Variants in RMND1 observed in about 807,000 individuals in gnomAD.
The protein encoded by RMND1 is required for meiotic nuclear division 1 homolog.
In RMND1, 41 loss-of-function variants were observed where a neutral mutation model predicts 54.0. The ratio of observed to expected loss-of-function variants is 0.76; its 90% CI spans 0.59 to 0.98. The LOEUF is 0.98. RMND1 is among the 50% of genes least tolerant of loss of function. The probability of loss-of-function intolerance (pLI) is 0.00; values close to 1 mark genes in which losing one functional copy is unlikely to be tolerated. For missense variants in RMND1, 457 were observed against 532.0 expected (o/e 0.86, Z 1.39); for synonymous variants, 183 against 181.7 (o/e 1.01, Z -0.06).
intron 9 of RMND1, 92 bp from the exon 10 acceptor site, chr6:151,417,491 ACTT>A: frequency 9.0e-7 from 1 of 1,115,606 alleles, no homozygotes; most frequent in Non-Finnish European, 1.2e-6. Context: ...CTTTATGAAA[ACTT>A]TTTTTTTTTT....
intron 2 of RMND1, among the ~76,000 whole-genome samples, chr6:151,443,104 T>C (rs73783022): frequency 0.12 from 18,442 of 151,974 alleles, 1,938 homozygotes; most frequent in African/African-American, 0.28. Flanking sequence ...GGTTTACCAT[T>C]TTGATGGTAT....
rs748234459 is a variant in RMND1 at position 151,427,574 on chromosome 6, A to G, written c.738T>C (p.His246=). ...FWNVKDKTMK[H]VMKVLEKHEI... ...CATGTTTTTCTAGAACTTTCATCAC[A>G]TGCTTCATCTAGAAGAAAAGGAAGA... Residue 246 remains histidine, a synonymous_variant, in exon 6 of 12, where the codon CAT becomes CAC. Transcript: ENST00000444024. 5 of 1,600,344 alleles carry G rather than the reference A, an allele frequency of 3.1e-6. No individual in the cohort carries two copies. In the East Asian group the frequency reaches 8.9e-5, roughly 29 times the overall value.
intron 10 of RMND1, among the ~76,000 whole-genome samples, chr6:151,406,229 C>G (rs1033200090): frequency 1.3e-5 from 2 of 152,190 alleles, no homozygotes; most frequent in East Asian, 1.9e-4. Context: ...TGTACACACA[C>G]CACTAGATGG....
Position 151,445,424 on chromosome 6 carries a change from C to T in RMND1, c.388G>A (p.Val130Ile). The change falls in exon 2 of 12, where the codon GTA becomes ATA. Residue 130 changes from valine (V) to isoleucine (I), a missense_variant. By Grantham distance (29) the Val-to-Ile change is conservative (BLOSUM62 3). Transcript: ENST00000444024. ...TTTGGAACAAATGTTTCCGTTGATA[C>T]AGATGAGAAATGCCTCTTTAATATT... is the stretch of plus-strand genomic sequence containing the variant. ...IKILKRHFSS[V>I]STETFVPKQD... The T allele has an allele frequency of 6.2e-7, 1 of 1,614,156 alleles. No individual in the cohort carries two copies. The highest frequency in any genetic ancestry group is 8.5e-7 in the Non-Finnish European group (1 of 1,179,974).
intron 1 of RMND1, among the ~76,000 whole-genome samples, chr6:151,449,679 C>G (rs151252897): frequency 0.021 from 3,189 of 152,242 alleles, 112 homozygotes; most frequent in African/African-American, 0.072. Context: ...CCTCTCCCCA[C>G]GGTCTCCCTC....
intron 6 of RMND1, among the ~76,000 whole-genome samples, chr6:151,425,573 C>T (rs1780272572): frequency 6.6e-6 from 1 of 152,140 alleles, no homozygotes; most frequent in Admixed American, 6.5e-5. Flanking sequence ...AGGGGATTCA[C>T]AGGAGCTGTA....
chr6:151,423,704 A>AT (rs1406367935), intron 6 of RMND1, 73 bp from the exon 7 acceptor site: 1 of 999,184 alleles, frequency 1.0e-6, no homozygotes, highest in African/African-American at 1.6e-5. Context: ...AAAAGACACC[A>AT]TATCATCTTT....
At chr6:151,439,810 C>T (rs1356303863) in intron 2 of RMND1, among the ~76,000 whole-genome samples, 1 of 152,208 alleles carries the variant, frequency 6.6e-6, no homozygotes, top group Non-Finnish European at 1.5e-5. Context: ...CAGGCATGCG[C>T]CACCACGCCC....
At chr6:151,442,001 T>C (rs1045302123) in intron 2 of RMND1, among the ~76,000 whole-genome samples, 4 of 152,074 alleles carry the variant, frequency 2.6e-5, no homozygotes, top group Non-Finnish European at 4.4e-5. Context: ...AGTGCTGGAA[T>C]TGAACTGAAT....
At chr6:151,430,659 G>A (rs1334046648) in intron 4 of RMND1, among the ~76,000 whole-genome samples, 3 of 152,168 alleles carry the variant, frequency 2.0e-5, no homozygotes, top group Non-Finnish European at 2.9e-5. Flanking sequence ...TGCTCCCCAC[G>A]CTCACAGTGC....
chr6:151,435,303 A>C (rs1168758933), intron 3 of RMND1, among the ~76,000 whole-genome samples: 1 of 147,864 alleles, frequency 6.8e-6, no homozygotes, highest in Non-Finnish European at 1.5e-5. Flanking sequence ...GTGCCACCAT[A>C]CCTGGCTAAT....
Position 151,445,465 on chromosome 6 carries a change from G to C in RMND1, c.347C>G (p.Ser116Cys). 6.2e-7 allele frequency: 1 copy of C among 1,614,162 alleles called. No homozygotes were observed. The highest frequency in any genetic ancestry group is 1.1e-5 in the South Asian group (1 of 91,078). The change falls in exon 2 of 12, where the codon TCT (serine) becomes TGT (cysteine). Residue 116 changes from serine (S) to cysteine (C), a missense_variant. By Grantham distance (112) the Ser-to-Cys change is moderately radical. Transcript: ENST00000444024. ...CTTTAATATTTTTATAAACCATTTAGAACCCAACAGATTTGGTTTGTGGGT... is the reference window on the plus strand; with the variant it reads ...CTTTAATATTTTTATAAACCATTTACAACCCAACAGATTTGGTTTGTGGGT... ...RVTHKPNLLGSKWFIKILKRH... is the reference protein window; with the variant it reads ...RVTHKPNLLGCKWFIKILKRH...
At position 151,445,585 on chromosome 6, in the gene RMND1, T is replaced by A; in HGVS notation, c.227A>T (p.Asp76Val). Residue 76 changes from aspartate to valine, a missense_variant, in exon 2 of 12, where the codon GAT (aspartate) becomes GTT (valine). By Grantham distance (152) the Asp-to-Val change is radical. Transcript: ENST00000444024. The stretch of plus-strand genomic sequence containing the variant: ...ATTTAATGGAGACAGCATGCTGGTA[T>A]CTGACTTTTTTTGGTTCATTTCCAG... The part of the protein sequence containing the change: ...QILEMNQKKS[D>V]TSMLSPLNAA... 6.2e-7 allele frequency: 1 copy of A among 1,614,230 alleles called. No homozygotes were observed. Among genetic ancestry groups the A allele is most frequent in the Non-Finnish European group, 8.5e-7 (1 of 1,180,044 alleles).
intron 6 of RMND1, among the ~76,000 whole-genome samples, chr6:151,426,703 C>A (rs1298460995): frequency 7.9e-5 from 12 of 152,014 alleles, no homozygotes; most frequent in Non-Finnish European, 1.5e-5. Flanking sequence ...CTGAGAAGTT[C>A]AAAAAATTAT....
intron 3 of RMND1, 88 bp from the exon 4 acceptor site, chr6:151,433,318 A>C (rs912712518): frequency 2.6e-6 from 2 of 770,480 alleles, no homozygotes; most frequent in African/African-American, 3.5e-5. Flanking sequence ...TAAAGTACTT[A>C]AGATCATTTC....
chr6:151,426,751 G>A (rs1780307250), intron 6 of RMND1, among the ~76,000 whole-genome samples: 1 of 151,938 alleles, frequency 6.6e-6, no homozygotes, highest in Non-Finnish European at 1.5e-5. Context: ...TTTAGACTTT[G>A]TATTTGTACC....
intron 2 of RMND1, among the ~76,000 whole-genome samples, chr6:151,441,804 TATATAAAAAACCCAGTAAACATAAATAAA>T: frequency 6.6e-6 from 1 of 152,118 alleles, no homozygotes; most frequent in Non-Finnish European, 1.5e-5. Context: ...TTGCATACTT[TATATAAAAAACCCAGTAAACATAAATAAA>T]ATGATTCCCT....
At chr6:151,415,872 G>GAGAAGAGATT (rs1779990388) in intron 10 of RMND1, among the ~76,000 whole-genome samples, 1 of 152,022 alleles carries the variant, frequency 6.6e-6, no homozygotes, top group Non-Finnish European at 1.5e-5. Flanking sequence ...TATGGAGATG[G>GAGAAGAGATT]AGAAGAGATT....
chr6:151,427,336 A>G (rs1780330771), intron 6 of RMND1, 146 bp downstream of exon 6: 1 of 484,376 alleles, frequency 2.1e-6, no homozygotes, highest in Admixed American at 3.3e-5. Flanking sequence ...AGATTGTGCC[A>G]CTGCACTCCA....
Sources: allele counts gnomAD v4.1 joint callset (sites outside exome capture counted in the v4.1 genomes callset), GRCh38; gene constraint gnomAD v4.1.1; transcripts MANE v1.5; gene names NCBI Gene and HGNC (gene_info 2026-07-23, HGNC 2026-07-21).